ABHD2: variants seen among roughly 807,000 people sequenced by gnomAD.
The protein encoded by ABHD2 is monoacylglycerol lipase ABHD2.
ABHD2 carries 20 observed loss-of-function variants against 48.1 expected under a neutral mutation model. The ratio of observed to expected loss-of-function variants is 0.42; its 90% CI spans 0.29 to 0.60. The LOEUF is 0.60. ABHD2 is among the 20% of genes least tolerant of loss of function. ABHD2 has a pLI of 0.24. For synonymous variants in ABHD2, 209 were observed against 214.2 expected (o/e 0.98, Z 0.21); for missense variants, 405 against 550.9 (o/e 0.74, Z 2.65).
rs566315347 is a variant in ABHD2, at chr15:89,123,251, G to A, written c.194+6730G>A. Among the ~76,000 whole-genome samples, 6 of 152,236 alleles carry A rather than the reference G, an allele frequency of 3.9e-5. No homozygotes were observed. The East Asian group carries it at 9.7e-4, about 25-fold the overall frequency. ...ATAAGAGAATGGGAGGAGCCCTGTG[G>A]CCCTTCCATAGACCATAATGGATTC... On this transcript the variant is annotated intron_variant, in intron 3 of 10. Coordinates refer to ENST00000352732, the MANE Select transcript of ABHD2 (RefSeq NM_152924.5).
rs1371506128 is a variant in ABHD2, at chr15:89,166,319, T to C, written c.539-9493T>C. Among the ~76,000 whole-genome samples the C allele has an allele frequency of 6.6e-6, 1 of 152,176 alleles. No homozygotes were observed. The highest frequency in any genetic ancestry group is 1.5e-5 in the Non-Finnish European group (1 of 68,038). ...TCGAATATTTAAATTGCTTTTTTCC[T>C]GTGAGTTTAAACAGGGAAGAAGTGG... is the stretch of plus-strand genomic sequence containing the variant. On this transcript the variant is annotated intron_variant, in intron 5 of 10. Coordinates refer to ENST00000352732, the MANE Select transcript of ABHD2 (RefSeq NM_152924.5). The surrounding 1 kb of genome is among the most constrained non-coding windows in gnomAD (Gnocchi z 4.6).
chr15:89,127,718 TACAC>T (rs56963755), intron 3 of ABHD2, among the ~76,000 whole-genome samples: 3,427 of 81,994 alleles, frequency 0.042, 148 homozygotes, highest in African/African-American at 0.13. Context: ...TATATATATA[TACAC>T]ATATATATAT....
In ABHD2 at chr15:89,200,053, G is replaced by A. The variant is rs1051492932; in HGVS notation, c.*4630G>A. On this transcript the variant is annotated 3_prime_UTR_variant, in exon 11 of 11. Transcript: ENST00000352732. ...CGCAGAGTAGACAGCTGCTCCTTTT[G>A]GAAGAGTCAGTCCCCTGTGTTTTCT... is the stretch of plus-strand genomic sequence containing the variant. 2.0e-5 allele frequency: 3 copies of A among 152,346 alleles called. No homozygotes were observed. Among genetic ancestry groups the A allele is most frequent in the Non-Finnish European group, 4.4e-5 (3 of 68,046 alleles). 9.4% of individuals were successfully genotyped at this position (152,346 alleles called of 1,614,324 possible). A position where few individuals can be genotyped will look rare whatever the true frequency, so the allele number is the denominator to read the frequency against.
At chr15:89,156,343 G>T (rs533143747) in intron 5 of ABHD2, among the ~76,000 whole-genome samples, 1 of 150,868 alleles carries the variant, frequency 6.6e-6, no homozygotes, top group Admixed American at 6.6e-5. Flanking sequence ...GGATGGTCTC[G>T]ATCTCCTGAC....
intron 3 of ABHD2, among the ~76,000 whole-genome samples, chr15:89,126,111 C>T (rs1032660215): frequency 6.6e-6 from 1 of 152,146 alleles, no homozygotes; most frequent in African/African-American, 2.4e-5. Flanking sequence ...CTCTTCAGGG[C>T]CCTACTATGT....
chr15:89,161,426 T>A lies in ABHD2; in HGVS notation c.538+5892T>A, dbSNP rs11073844. On this transcript the variant is annotated intron_variant, in intron 5 of 10. Coordinates refer to ENST00000352732, the MANE Select transcript of ABHD2 (RefSeq NM_152924.5). ...TTAATTTATTTATTTTCTGAGACACTGTCTCACTCTGTTGCCGAGGCTGGA... is the reference window on the plus strand; with the variant it reads ...TTAATTTATTTATTTTCTGAGACACAGTCTCACTCTGTTGCCGAGGCTGGA... Among the ~76,000 whole-genome samples the A allele has an allele frequency of 2.1e-4, 32 of 151,914 alleles. No homozygotes were observed. The Middle Eastern group carries it at 0.01, about 49-fold the overall frequency.
chr15:89,190,236 T>G (rs1248553342), intron 8 of ABHD2, among the ~76,000 whole-genome samples: 1 of 152,216 alleles, frequency 6.6e-6, no homozygotes, highest in African/African-American at 2.4e-5. Flanking sequence ...GGTTTTGAGA[T>G]CTTCTGGCCT....
chr15:89,082,701 C>A (rs1353331711), upstream of ABHD2: 3 of 152,158 alleles, frequency 2.0e-5, no homozygotes, highest in Non-Finnish European at 4.4e-5. The surrounding 1 kb of genome is among the most constrained non-coding windows in gnomAD (Gnocchi z 4.4). Flanking sequence ...TGTCCTATAT[C>A]CATCCCCACC....
chr15:89,185,390 C>T lies in ABHD2; in HGVS notation c.723-34C>T, dbSNP rs200800145. On this transcript the variant is annotated intron_variant, in intron 6 of 10. Coordinates refer to ENST00000352732, the MANE Select transcript of ABHD2 (RefSeq NM_152924.5). This position sits in a 1 kb window ranked among gnomAD's most constrained non-coding sequence, Gnocchi z 5.9. ...CTGGCTGCCCGCCTGCACCCCCACA[C>T]CGCAGTCACCCTCACTCGCTGTGGT... is the stretch of plus-strand genomic sequence containing the variant. 1.2e-5 allele frequency: 19 copies of T among 1,591,556 alleles called. No homozygotes were observed. In the African/African-American group the frequency reaches 2.5e-4, roughly 21 times the overall value.
intron 1 of ABHD2, among the ~76,000 whole-genome samples, chr15:89,113,409 T>C (rs1006053070): frequency 6.6e-6 from 1 of 152,270 alleles, no homozygotes; most frequent in African/African-American, 2.4e-5. Flanking sequence ...TTACCTGTCC[T>C]GTTAGGCATT....
At chr15:89,105,492 T>C (rs1325098821) in intron 1 of ABHD2, among the ~76,000 whole-genome samples, 1 of 152,230 alleles carries the variant, frequency 6.6e-6, no homozygotes, top group Non-Finnish European at 1.5e-5. Context: ...TGTTATCACA[T>C]GAGTAGGTTT....
chr15:89,057,235 G>C, the ABHD2 span, among the ~76,000 whole-genome samples: 1 of 152,178 alleles, frequency 6.6e-6, no homozygotes, highest in African/African-American at 2.4e-5. Context: ...ATTTTTAAAA[G>C]TGTTAAGTGA....
intron 5 of ABHD2, among the ~76,000 whole-genome samples, chr15:89,163,879 GA>G (rs770241848): frequency 1.5e-4 from 23 of 152,322 alleles, no homozygotes; most frequent in Non-Finnish European, 2.5e-4. Context: ...CTAAATCACA[GA>G]GTTAATGAGT....
chr15:89,172,117 C>T (rs935237644), intron 5 of ABHD2, among the ~76,000 whole-genome samples: 1 of 152,186 alleles, frequency 6.6e-6, no homozygotes. Flanking sequence ...AGATCAGCTA[C>T]ACTCTTGTTT....
the ABHD2 span, among the ~76,000 whole-genome samples, chr15:89,071,778 C>A: frequency 2.0e-5 from 3 of 152,144 alleles, no homozygotes; most frequent in Non-Finnish European, 2.9e-5. Context: ...TAAGGGTATG[C>A]TTAAGTTATT....
the ABHD2 span, among the ~76,000 whole-genome samples, chr15:89,068,369 G>A: frequency 6.6e-6 from 1 of 152,144 alleles, no homozygotes. Flanking sequence ...AGCAGGGGTG[G>A]CTAGCCTCTG....
At chr15:89,117,099 C>T (rs1415711380) in intron 3 of ABHD2, among the ~76,000 whole-genome samples, 1 of 152,174 alleles carries the variant, frequency 6.6e-6, no homozygotes, top group Non-Finnish European at 1.5e-5. Context: ...GATCTCGACT[C>T]ACTGCAACCT....
the ABHD2 span, among the ~76,000 whole-genome samples, chr15:89,076,705 A>G: frequency 6.6e-6 from 1 of 152,062 alleles, no homozygotes; most frequent in Admixed American, 6.6e-5. Flanking sequence ...GCCAGTCTCA[A>G]ACTCCTGGGC....
the ABHD2 span, among the ~76,000 whole-genome samples, chr15:89,051,702 C>T: frequency 6.6e-6 from 1 of 152,220 alleles, no homozygotes; most frequent in African/African-American, 2.4e-5. Context: ...AGTTCCCCTG[C>T]AGATGCTCTC....
Sources: gnomAD v4.1 joint callset for allele counts (sites outside exome capture counted in the v4.1 genomes callset) on GRCh38, gnomAD v4.1.1 for gene constraint, Gnocchi (gnomAD v3.1) non-coding constraint, MANE v1.5 for transcripts, NCBI Gene and HGNC (gene_info 2026-07-23, HGNC 2026-07-21) for gene names.